The following NUBPL variants were observed in gnomAD, a reference collection of about 807,000 sequenced individuals.
The protein encoded by NUBPL is iron-sulfur cluster transfer protein NUBPL.
NUBPL carries 31 observed loss-of-function variants against 45.7 expected under a neutral mutation model. That is an observed-to-expected ratio of 0.68 (90% CI 0.51 to 0.92). The LOEUF (loss-of-function observed/expected upper bound fraction) is 0.92. Ranked by LOEUF, NUBPL falls within the 40% of genes least tolerant of loss-of-function variation. The probability of loss-of-function intolerance (pLI) is 0.00; values close to 1 mark genes in which losing one functional copy is unlikely to be tolerated. For missense variants in NUBPL, 401 were observed against 398.7 expected, an observed-to-expected ratio of 1.01 and a Z score of -0.05; for synonymous variants, 144 against 140.9, an observed-to-expected ratio of 1.02 and a Z score of -0.15.
At chr14:31,749,807 T>C (rs2038482144) in intron 6 of NUBPL, among the ~76,000 whole-genome samples, 1 of 152,148 alleles carries the variant, frequency 6.6e-6, no homozygotes, top group Non-Finnish European at 1.5e-5. Context: ...CCTTTTTTCA[T>C]CTCTTCTCCC....
At chr14:31,598,584 GATTA>G (rs1188233608) in intron 3 of NUBPL, among the ~76,000 whole-genome samples, 1 of 152,232 alleles carries the variant, frequency 6.6e-6, no homozygotes, top group African/African-American at 2.4e-5. Context: ...CTAAGCTGCT[GATTA>G]ATTGACAGCC....
Position 31,578,011 on chromosome 14 carries a change from T to C in NUBPL, c.291+12963T>C, listed in dbSNP as rs7142098. 0.35 allele frequency: 449,659 copies of C among 1,281,658 alleles called. 80,645 individuals carry two copies. Among genetic ancestry groups the C allele is most frequent in the South Asian group, 0.42 (33,895 of 80,830 alleles). The allele number at this position is 1,281,658 out of a possible 1,614,324, so 79.4% of individuals were successfully genotyped here. ...GCCACTATTGCCTGGCCCGTTGTTA[T>C]GAACTCAGTAAATGGTAAGTGATTG... On this transcript the variant is annotated intron_variant, in intron 3 of 10. Coordinates refer to ENST00000281081, the MANE Select transcript of NUBPL (RefSeq NM_025152.3).
At chr14:31,760,144 T>TGA (rs1555335613) in intron 6 of NUBPL, among the ~76,000 whole-genome samples, 4 of 34,844 alleles carry the variant, frequency 1.1e-4, no homozygotes, top group Admixed American at 3.7e-4. Context: ...TGTGTGTGTG[T>TGA]GAGAGAGAGA....
chr14:31,770,983 T>C (rs146561601), intron 6 of NUBPL, among the ~76,000 whole-genome samples: 56 of 152,330 alleles, frequency 3.7e-4, no homozygotes, highest in African/African-American at 1.3e-3. Context: ...TTCAAAAATA[T>C]GTTCAAAAAG....
At chr14:31,601,192 C>T (rs537484273) in intron 4 of NUBPL, among the ~76,000 whole-genome samples, 1 of 152,286 alleles carries the variant, frequency 6.6e-6, no homozygotes, top group African/African-American at 2.4e-5. Flanking sequence ...TAGCGTGATG[C>T]CTCCAGCTTT....
At chr14:31,778,128 G>A (rs1237898025) in intron 6 of NUBPL, among the ~76,000 whole-genome samples, 1 of 152,242 alleles carries the variant, frequency 6.6e-6, no homozygotes, top group Non-Finnish European at 1.5e-5. Context: ...TTGGAGAGCA[G>A]GAGGCGTAGA....
In NUBPL at chr14:31,859,103, T is replaced by C; in HGVS notation, c.898-15T>C. 1 of 1,612,058 alleles carries C rather than the reference T, an allele frequency of 6.2e-7. No homozygotes were observed. Among genetic ancestry groups the C allele is most frequent in the African/African-American group, 1.3e-5 (1 of 74,956 alleles). On this transcript the variant is annotated splice_polypyrimidine_tract_variant and intron_variant, in intron 10 of 10. Coordinates refer to ENST00000281081, the MANE Select transcript of NUBPL (RefSeq NM_025152.3). ...TGAAGAGAAATACAGAACAAATAAGTTTGTTCTTTTCCAGGCCAAAGCTTA... is the reference window on the plus strand; with the variant it reads ...TGAAGAGAAATACAGAACAAATAAGCTTGTTCTTTTCCAGGCCAAAGCTTA...
chr14:31,850,250 T>G lies in NUBPL; in HGVS notation c.897+49T>G, dbSNP rs190757053. ...ATTTTTATTTCTTTTTATGTACTTTTGAAATACAGAAAGAAAGTTGGGAAG... is the reference window on the plus strand; with the variant it reads ...ATTTTTATTTCTTTTTATGTACTTTGGAAATACAGAAAGAAAGTTGGGAAG... On this transcript the variant is annotated intron_variant, in intron 10 of 10. Transcript: ENST00000281081. 1.5e-3 allele frequency: 2,099 copies of G among 1,387,930 alleles called. 43 individuals carry two copies. The Admixed American group carries it at 0.033, about 22-fold the overall frequency. 86.0% of individuals were successfully genotyped at this position (1,387,930 alleles called of 1,614,324 possible).
chr14:31,807,984 C>A (rs774217177), intron 7 of NUBPL, among the ~76,000 whole-genome samples: 81 of 152,104 alleles, frequency 5.3e-4, no homozygotes, highest in Non-Finnish European at 1.0e-3. Flanking sequence ...TGATCTATAT[C>A]TCTGTTTTGG....
chr14:31,719,643 G>A (rs192677642), intron 6 of NUBPL, among the ~76,000 whole-genome samples: 4 of 152,168 alleles, frequency 2.6e-5, no homozygotes, highest in Non-Finnish European at 1.5e-5. Flanking sequence ...GCTTTTAGGT[G>A]CATAGCATTA....
intron 6 of NUBPL, among the ~76,000 whole-genome samples, chr14:31,702,347 T>C (rs191214489): frequency 1.5e-4 from 23 of 152,310 alleles, no homozygotes; most frequent in Non-Finnish European, 3.4e-4. Context: ...ATTGTCCATA[T>C]GGCTGATCTC....
At chr14:31,831,948 A>C (rs1194575040) in intron 8 of NUBPL, among the ~76,000 whole-genome samples, 1 of 152,224 alleles carries the variant, frequency 6.6e-6, no homozygotes, top group Non-Finnish European at 1.5e-5. Flanking sequence ...GCAATGATCA[A>C]AGTTATTCAT....
intron 4 of NUBPL, among the ~76,000 whole-genome samples, chr14:31,650,026 A>G (rs2035957776): frequency 6.6e-6 from 1 of 151,228 alleles, no homozygotes; most frequent in African/African-American, 2.4e-5. Context: ...TGCCCGGCTA[A>G]TTTTGTATTT....
intron 6 of NUBPL, among the ~76,000 whole-genome samples, chr14:31,693,335 A>G (rs574114372): frequency 6.6e-6 from 1 of 152,296 alleles, no homozygotes; most frequent in African/African-American, 2.4e-5. Context: ...AATACTTCAG[A>G]CGACCTTCTT....
intron 6 of NUBPL, among the ~76,000 whole-genome samples, chr14:31,763,218 T>TGG (rs1292932298): frequency 2.0e-5 from 3 of 152,124 alleles, no homozygotes. Context: ...TTGGAGGGTG[T>TGG]GGAAGGTCTC....
chr14:31,641,907 T>C (rs1459473875), intron 4 of NUBPL, among the ~76,000 whole-genome samples: 1 of 152,252 alleles, frequency 6.6e-6, no homozygotes, highest in African/African-American at 2.4e-5. Flanking sequence ...TATTGTGGTT[T>C]TGATTTGCAT....
chr14:31,722,056 G>A (rs1038906732), intron 6 of NUBPL, among the ~76,000 whole-genome samples: 1 of 152,032 alleles, frequency 6.6e-6, no homozygotes, highest in Non-Finnish European at 1.5e-5. Context: ...GAGTGCAGTG[G>A]CACAGTCTTG....
At chr14:31,628,139 C>T (rs1321085959) in intron 4 of NUBPL, among the ~76,000 whole-genome samples, 1 of 152,072 alleles carries the variant, frequency 6.6e-6, no homozygotes, top group Non-Finnish European at 1.5e-5. Flanking sequence ...ATTTTAATAG[C>T]CTTTTAAATA....
chr14:31,705,643 A>C (rs2037433322), intron 6 of NUBPL, among the ~76,000 whole-genome samples: 1 of 151,998 alleles, frequency 6.6e-6, no homozygotes, highest in African/African-American at 2.4e-5. Flanking sequence ...CTTTAGCTAG[A>C]CACAGAGTGC....
Sources: gnomAD v4.1 joint callset for allele counts (sites outside exome capture counted in the v4.1 genomes callset) on GRCh38, gnomAD v4.1.1 for gene constraint, MANE v1.5 for transcripts, NCBI Gene and HGNC (gene_info 2026-07-23, HGNC 2026-07-21) for gene names.